MYO1C: variants seen among roughly 807,000 people sequenced by gnomAD.
The protein encoded by MYO1C is unconventional myosin-Ic.
Under a neutral mutation model 150.8 loss-of-function variants are expected in MYO1C, and 104 were observed. The observed-to-expected ratio is 0.69, with a 90% CI of 0.59 to 0.81. The LOEUF is 0.81. MYO1C is among the 30% of genes least tolerant of loss of function. The probability of loss-of-function intolerance (pLI) is 0.00; values close to 1 mark genes in which losing one functional copy is unlikely to be tolerated. For synonymous variants in MYO1C, 663 were observed against 579.9 expected, an observed-to-expected ratio of 1.14 and a Z score of -2.06; for missense variants, 1,504 against 1,435.0, an observed-to-expected ratio of 1.05 and a Z score of -0.78.
At chr17:1,477,482 A>C (rs1567524531) in intron 14 of MYO1C, 23 bp downstream of exon 14, 10 of 1,608,564 alleles carry the variant, frequency 6.2e-6, no homozygotes, top group Non-Finnish European at 8.5e-6. Flanking sequence ...CCTTGCCCCC[A>C]GCAGCCCCGC....
intron 1 of MYO1C, among the ~76,000 whole-genome samples, chr17:1,489,363 T>G (rs893189079): frequency 2.0e-5 from 3 of 152,168 alleles, no homozygotes; most frequent in Admixed American, 1.3e-4. Flanking sequence ...CACCTCTGCC[T>G]GGGGGGTCCA....
At chr17:1,475,527 C>A (rs899572607) in intron 14 of MYO1C, among the ~76,000 whole-genome samples, 25 of 152,188 alleles carry the variant, frequency 1.6e-4, no homozygotes, top group Non-Finnish European at 2.9e-4. Context: ...AGTGCCAGGA[C>A]CGGGACCTGG....
rs1483155170 is a variant in MYO1C at position 1,480,749 on chromosome 17, A to G, written c.764T>C (p.Leu255Pro). 1 of 1,613,988 alleles carries G rather than the reference A, an allele frequency of 6.2e-7. No individual in the cohort carries two copies. The highest frequency in any genetic ancestry group is 8.5e-7 in the Non-Finnish European group (1 of 1,180,018). The change falls in exon 6 of 32, where the codon CTG becomes CCG. Residue 255 changes from leucine to proline, a missense_variant. By Grantham distance (98) the Leu-to-Pro change is moderately conservative. Transcript: ENST00000648651. ...GCTCTGGGGGTTCCGTTCCAAGCCC[A>G]GCCTGCGAAGAGTCTCCTCCTCGCC... Reference protein sequence around the residue: ...EGGEEETLRRLGLERNPQSYL... With the variant: ...EGGEEETLRRPGLERNPQSYL...
chr17:1,491,652 T>C (rs2150972232), intron 1 of MYO1C: 1 of 980,516 alleles, frequency 1.0e-6, no homozygotes, highest in Non-Finnish European at 1.2e-6. Flanking sequence ...GTGGCGGGCT[T>C]GGGGATCCGC....
At chr17:1,484,062 C>G in intron 2 of MYO1C, 86 bp downstream of exon 2, 2 of 1,505,406 alleles carry the variant, frequency 1.3e-6, no homozygotes, top group South Asian at 2.4e-5. Context: ...AAAAGTTTAT[C>G]CCGGTGACCC....
chr17:1,468,011 C>T lies in MYO1C; in HGVS notation c.2873G>A (p.Arg958Lys), dbSNP rs1174183208. The T allele has an allele frequency of 3.7e-6, 6 of 1,612,716 alleles. No individual in the cohort carries two copies. The Admixed American group carries it at 1.0e-4, about 27-fold the overall frequency. ...VIVEDAKVKQ[R>K]IDYANLTGIS... ...ACCGGTCAGGTTGGCGTAATCAATCCTCTGCTTGACTTTGGCGTCCTCCAC... is the reference window on the plus strand; with the variant it reads ...ACCGGTCAGGTTGGCGTAATCAATCTTCTGCTTGACTTTGGCGTCCTCCAC... The change falls in exon 28 of 32, where the codon AGG (arginine) becomes AAG (lysine). Residue 958 changes from arginine to lysine, a missense_variant. Physicochemically the swap from Arg to Lys is conservative, Grantham distance 26. Transcript: ENST00000648651.
chr17:1,467,009 C>T (rs1251724759), intron 31 of MYO1C, among the ~76,000 whole-genome samples: 1 of 151,894 alleles, frequency 6.6e-6, no homozygotes, highest in African/African-American at 2.4e-5. Flanking sequence ...CCACCCGCCT[C>T]AGCCTCCCAA....
In MYO1C at chr17:1,470,487, G is replaced by C; in HGVS notation, c.2314C>G (p.Leu772Val). The change falls in exon 23 of 32, where the codon CTG (leucine) becomes GTG (valine). Residue 772 changes from leucine to valine, a missense_variant. Coordinates refer to ENST00000648651, the MANE Select transcript of MYO1C (RefSeq NM_001080779.2). ...CTCTTGGCTGCCTTCCTCCGGCCCA[G>C]TGTTCCACGCCACCACGACTGGATG... ...ICIQSWWRGT[L>V]GRRKAAKRKW... is the part of the protein sequence containing the mutation. 1.3e-6 allele frequency: 2 copies of C among 1,551,502 alleles called. No homozygotes were observed. Among genetic ancestry groups the C allele is most frequent in the Non-Finnish European group, 1.7e-6 (2 of 1,147,340 alleles).
intron 1 of MYO1C, chr17:1,485,399 G>A (rs1028499259): frequency 5.1e-6 from 2 of 389,570 alleles, no homozygotes; most frequent in African/African-American, 2.6e-5. Flanking sequence ...TCACCGCCCC[G>A]CTCCAATCCC....
chr17:1,488,701 C>T (rs913041875), intron 1 of MYO1C, among the ~76,000 whole-genome samples: 2 of 152,176 alleles, frequency 1.3e-5, no homozygotes, highest in African/African-American at 2.4e-5. Flanking sequence ...CCGTTCAGGC[C>T]CCTGTCGGTG....
In MYO1C at chr17:1,467,856, G is replaced by T. The variant is rs755583364; in HGVS notation, c.2951C>A (p.Ala984Glu). 6.3e-7 allele frequency: 1 copy of T among 1,597,942 alleles called. No individual in the cohort carries two copies. Among genetic ancestry groups the T allele is most frequent in the Non-Finnish European group, 8.5e-7 (1 of 1,172,962 alleles). The stretch of plus-strand genomic sequence containing the variant: ...AAAAGGCACCTTTTGCTTATTGTCC[G>T]CACGCTGTACATGAAGCACAAAAAG... Reference protein sequence around the residue: ...DSLFVLHVQRADNKQKGDVVL... With the variant: ...DSLFVLHVQREDNKQKGDVVL... Residue 984 changes from alanine to glutamate, a missense_variant, in exon 29 of 32, where the codon GCG (alanine) becomes GAG (glutamate). Physicochemically the swap from Ala to Glu is moderately radical, Grantham distance 107. Transcript: ENST00000648651.
rs904014492 is a variant in MYO1C, at chr17:1,467,558, C to G, written c.2987G>C (p.Ser996Thr). 6.2e-7 allele frequency: 1 copy of G among 1,613,426 alleles called. No homozygotes were observed. The highest frequency in any genetic ancestry group is 1.3e-5 in the African/African-American group (1 of 74,852). Residue 996 changes from serine (S) to threonine (T), a missense_variant, in exon 30 of 32, where the codon AGT (serine) becomes ACT (threonine). Transcript: ENST00000648651. ...NKQKGDVVLQSDHVIETLTKT... is the reference protein window; with the variant it reads ...NKQKGDVVLQTDHVIETLTKT... ...GGTCAGCGTCTCAATCACGTGGTCA[C>G]TCTGCAGCACCACATCTCCCTGGGG...
chr17:1,482,328 T>G, intron 5 of MYO1C, 150 bp downstream of exon 5: 1 of 754,976 alleles, frequency 1.3e-6, no homozygotes, highest in Non-Finnish European at 2.4e-6. Context: ...TCCCTGTTTA[T>G]TGTTTATCAC....
At chr17:1,477,260 C>A (rs1598334392) in intron 14 of MYO1C, 1 of 527,526 alleles carries the variant, frequency 1.9e-6, no homozygotes, top group Non-Finnish European at 3.4e-6. Flanking sequence ...CTCACTGCAA[C>A]CTCAAAACTC....
At chr17:1,482,403 C>G in intron 5 of MYO1C, 75 bp downstream of exon 5, 1 of 1,330,438 alleles carries the variant, frequency 7.5e-7, no homozygotes, top group South Asian at 1.2e-5. Context: ...GGAATAGTCC[C>G]TGGTACCCAG....
intron 17 of MYO1C, 107 bp from the exon 18 acceptor site, chr17:1,472,335 G>C: frequency 2.1e-6 from 2 of 939,698 alleles, no homozygotes; most frequent in Non-Finnish European, 3.3e-6. Context: ...AGCAGCCTCT[G>C]ATTCTGCCTG....
At chr17:1,471,802 C>A in intron 19 of MYO1C, 105 bp downstream of exon 19, 3 of 1,256,848 alleles carry the variant, frequency 2.4e-6, no homozygotes, top group Admixed American at 1.7e-5. Context: ...CCTCCGCATC[C>A]GCATTTCTAA....
In MYO1C at chr17:1,469,711, C is replaced by A; in HGVS notation, c.2527-97G>T. 8.0e-6 allele frequency: 8 copies of A among 994,756 alleles called. No individual in the cohort carries two copies. The South Asian group carries it at 9.6e-5, about 12-fold the overall frequency. The allele number at this position is 994,756 out of a possible 1,614,324, so 61.6% of individuals were successfully genotyped here. A position where few individuals can be genotyped will look rare whatever the true frequency, so the allele number is the denominator to read the frequency against. Reference sequence around the variant, plus strand: ...TACTGCATCCTTTGGATAAGTAACACCCCCTCCATCTGGAGACGCTTCCGG... The same window carrying A: ...TACTGCATCCTTTGGATAAGTAACAACCCCTCCATCTGGAGACGCTTCCGG... On this transcript the variant is annotated intron_variant, in intron 24 of 31. Coordinates refer to ENST00000648651, the MANE Select transcript of MYO1C (RefSeq NM_001080779.2).
At chr17:1,474,503 C>T (rs1451930549) in intron 17 of MYO1C, 107 bp downstream of exon 17, 28 of 1,137,614 alleles carry the variant, frequency 2.5e-5, no homozygotes, top group Middle Eastern at 2.7e-4. Context: ...CAGATGTGCA[C>T]GGGCTCACAC....
Sources: allele counts gnomAD v4.1 joint callset (sites outside exome capture counted in the v4.1 genomes callset), GRCh38; gene constraint gnomAD v4.1.1; transcripts MANE v1.5; gene names NCBI Gene and HGNC (gene_info 2026-07-23, HGNC 2026-07-21).